SSBP2: variants seen among roughly 807,000 people sequenced by gnomAD.
SSBP2 encodes single stranded DNA binding protein 2, also known as single-stranded DNA-binding protein 2.
Under a neutral mutation model 61.8 loss-of-function variants are expected in SSBP2, and 17 were observed. The ratio of observed to expected loss-of-function variants is 0.28; its 90% CI spans 0.19 to 0.41. SSBP2 has a LOEUF of 0.41. Ranked by LOEUF, SSBP2 falls within the 10% of genes least tolerant of loss-of-function variation. The pLI is 1.00. For missense variants in SSBP2, 310 were observed against 458.7 expected, an observed-to-expected ratio of 0.68 and a Z score of 2.96; for synonymous variants, 139 against 141.3, an observed-to-expected ratio of 0.98 and a Z score of 0.12.
intron 3 of SSBP2, among the ~76,000 whole-genome samples, chr5:81,628,677 T>C (rs1313826448): frequency 1.3e-5 from 2 of 152,120 alleles, no homozygotes; most frequent in Non-Finnish European, 2.9e-5. Flanking sequence ...AAATGTATTA[T>C]AAACTGGGAT....
In SSBP2 at chr5:81,750,925, TGCGTGAGTGTGCGC is replaced by T. The variant is rs1294253754; in HGVS notation, c.62+42_62+55del. The T allele has an allele frequency of 5.9e-6, 9 of 1,524,598 alleles. No homozygotes were observed. In the Admixed American group the frequency reaches 1.6e-4, roughly 26 times the overall value. 94.4% of individuals were successfully genotyped at this position (1,524,598 alleles called of 1,614,324 possible). On this transcript the variant is annotated intron_variant, in intron 1 of 16. Coordinates refer to ENST00000320672, the MANE Select transcript of SSBP2 (RefSeq NM_012446.5). ...GTGTCTCCCAGAGTGTGCGAGTGCG[TGCGTGAGTGTGCGC>T]GCGTGTGAAGGCGGAGGTGGGTGAG...
At chr5:81,576,547 A>G (rs1411072979) in intron 4 of SSBP2, among the ~76,000 whole-genome samples, 2 of 152,116 alleles carry the variant, frequency 1.3e-5, no homozygotes, top group Non-Finnish European at 1.5e-5. Flanking sequence ...TAGGCTTCAG[A>G]GTCTGTGTAC....
At chr5:81,723,209 G>T (rs1270103427) in intron 1 of SSBP2, among the ~76,000 whole-genome samples, 1 of 151,976 alleles carries the variant, frequency 6.6e-6, no homozygotes, top group African/African-American at 2.4e-5. Context: ...CTTTCTTTGA[G>T]ATTACATAAC....
intron 16 of SSBP2, among the ~76,000 whole-genome samples, chr5:81,425,471 C>A (rs1026955289): frequency 2.6e-5 from 4 of 151,972 alleles, no homozygotes; most frequent in Non-Finnish European, 5.9e-5. Context: ...GTTTGTAATT[C>A]CTATTTGATG....
intron 5 of SSBP2, among the ~76,000 whole-genome samples, chr5:81,509,917 CCTTT>C (rs924380152): frequency 2.6e-5 from 4 of 152,130 alleles, no homozygotes; most frequent in African/African-American, 9.7e-5. Flanking sequence ...ACTGTTTATT[CCTTT>C]CTAATTCTAC....
chr5:81,636,512 G>T, intron 3 of SSBP2, 45 bp downstream of exon 3: 1 of 1,473,066 alleles, frequency 6.8e-7, no homozygotes, highest in Non-Finnish European at 9.4e-7. Context: ...CAGGCCTATT[G>T]AAATGCATCA....
chr5:81,479,693 T>C (rs1015511517), intron 6 of SSBP2, among the ~76,000 whole-genome samples: 3 of 152,180 alleles, frequency 2.0e-5, no homozygotes, highest in Non-Finnish European at 2.9e-5. Context: ...AACACACACT[T>C]GTGAGCCAGT....
chr5:81,632,435 G>T (rs1232291275), intron 3 of SSBP2, among the ~76,000 whole-genome samples: 1 of 152,190 alleles, frequency 6.6e-6, no homozygotes, highest in Non-Finnish European at 1.5e-5. Flanking sequence ...TCCAAAAATT[G>T]TTAAATTCAG....
intron 4 of SSBP2, among the ~76,000 whole-genome samples, chr5:81,561,489 C>T (rs911805361): frequency 6.6e-6 from 1 of 151,756 alleles, no homozygotes; most frequent in African/African-American, 2.4e-5. Flanking sequence ...ATATGTACCA[C>T]GAACATATAT....
At chr5:81,648,911 C>A (rs1480436926) in intron 2 of SSBP2, among the ~76,000 whole-genome samples, 1 of 151,766 alleles carries the variant, frequency 6.6e-6, no homozygotes, top group Non-Finnish European at 1.5e-5. Flanking sequence ...CAATGTATGA[C>A]CAAAATTTTA....
At chr5:81,707,210 C>A (rs1198411330) in intron 1 of SSBP2, among the ~76,000 whole-genome samples, 1 of 152,038 alleles carries the variant, frequency 6.6e-6, no homozygotes, top group Non-Finnish European at 1.5e-5. Flanking sequence ...GCTTCATTTA[C>A]TAAAAGGTAA....
intron 4 of SSBP2, among the ~76,000 whole-genome samples, chr5:81,613,669 T>G (rs1460491238): frequency 6.6e-6 from 1 of 152,200 alleles, no homozygotes; most frequent in Non-Finnish European, 1.5e-5. Context: ...AGTAGAACAC[T>G]GGCACTCTCT....
At chr5:81,529,731 T>G (rs2154103679) in intron 4 of SSBP2, among the ~76,000 whole-genome samples, 1 of 152,164 alleles carries the variant, frequency 6.6e-6, no homozygotes, top group South Asian at 2.1e-4. Flanking sequence ...AAGCAATGAT[T>G]TTGGAACTAC....
intron 4 of SSBP2, among the ~76,000 whole-genome samples, chr5:81,612,875 T>C (rs1364623199): frequency 6.6e-6 from 1 of 152,048 alleles, no homozygotes; most frequent in Non-Finnish European, 1.5e-5. Context: ...AAAATCTTAT[T>C]GTTTGTTCCT....
intron 8 of SSBP2, among the ~76,000 whole-genome samples, chr5:81,469,679 A>C (rs971213708): frequency 6.6e-6 from 1 of 152,020 alleles, no homozygotes; most frequent in Non-Finnish European, 1.5e-5. Flanking sequence ...ATGATGAGCT[A>C]GTTCAACTGA....
chr5:81,699,512 A>G (rs569642632), intron 1 of SSBP2, among the ~76,000 whole-genome samples: 1 of 152,358 alleles, frequency 6.6e-6, no homozygotes, highest in South Asian at 2.1e-4. Context: ...TTGCTCATCC[A>G]TAAGAAATAA....
intron 1 of SSBP2, among the ~76,000 whole-genome samples, chr5:81,671,825 T>G (rs1159777237): frequency 6.6e-6 from 1 of 152,074 alleles, no homozygotes; most frequent in African/African-American, 2.4e-5. Context: ...GAATGTTGAA[T>G]AGGAAGAAAC....
At position 81,615,458 on chromosome 5, in the gene SSBP2, TA is replaced by T. The variant is rs769718014; in HGVS notation, c.282+14del. On this transcript the variant is annotated intron_variant, in intron 4 of 16. Transcript: ENST00000320672. ...AACTGACAGTGTAACTTTGTAAAATTATATGTTAACTTACGTAATCATGGAA... is the reference window on the plus strand; with the variant it reads ...AACTGACAGTGTAACTTTGTAAAATTTATGTTAACTTACGTAATCATGGAA... 1 of 1,596,140 alleles carries T rather than the reference TA, an allele frequency of 6.3e-7. No individual in the cohort carries two copies. The highest frequency in any genetic ancestry group is 1.3e-5 in the African/African-American group (1 of 74,702).
chr5:81,471,208 A>G (rs1254454305), intron 8 of SSBP2, among the ~76,000 whole-genome samples: 1 of 151,834 alleles, frequency 6.6e-6, no homozygotes, highest in East Asian at 1.9e-4. Flanking sequence ...AAAAATCTAA[A>G]GAATTGACAC....
Sources: allele counts gnomAD v4.1 joint callset (sites outside exome capture counted in the v4.1 genomes callset), GRCh38; gene constraint gnomAD v4.1.1; transcripts MANE v1.5; gene names NCBI Gene and HGNC (gene_info 2026-07-23, HGNC 2026-07-21).